The following PPP1R13B variants were observed in gnomAD, a reference collection of about 807,000 sequenced individuals.
PPP1R13B encodes apoptosis-stimulating of p53 protein 1.
PPP1R13B carries 44 observed loss-of-function variants against 119.8 expected under a neutral mutation model. The observed-to-expected ratio is 0.37, with a 90% CI of 0.29 to 0.47. The LOEUF (loss-of-function observed/expected upper bound fraction) is 0.47. Ranked by LOEUF, PPP1R13B falls within the 20% of genes least tolerant of loss-of-function variation. The pLI, the probability that PPP1R13B is intolerant of heterozygous loss-of-function variation, is 0.99. For missense variants in PPP1R13B, 1,227 were observed against 1,413.5 expected (o/e 0.87, Z 2.12); for synonymous variants, 542 against 561.5 (o/e 0.97, Z 0.49).
Position 103,847,283 on chromosome 14 carries a change from G to T in PPP1R13B, c.9+16C>A. 4.6e-6 allele frequency: 2 copies of T among 436,292 alleles called. No individual in the cohort carries two copies. The highest frequency in any genetic ancestry group is 3.6e-6 in the Non-Finnish European group (1 of 277,052). 27.0% of individuals were successfully genotyped at this position (436,292 alleles called of 1,614,324 possible). ...GCGGAGGAAGCCGCCGCCACCTCCC[G>T]CCCGCCCTCACCCACCGGCATCATC... On this transcript the variant is annotated intron_variant, in intron 1 of 16. Coordinates refer to ENST00000202556, the MANE Select transcript of PPP1R13B (RefSeq NM_015316.3).
At chr14:103,781,025 G>A (rs1296187301) in intron 3 of PPP1R13B, among the ~76,000 whole-genome samples, 1 of 151,916 alleles carries the variant, frequency 6.6e-6, no homozygotes, top group Admixed American at 6.6e-5. Flanking sequence ...TGAATGTACA[G>A]CTCCTGGGCT....
intron 3 of PPP1R13B, among the ~76,000 whole-genome samples, chr14:103,781,340 C>T (rs1373848505): frequency 3.3e-5 from 5 of 152,108 alleles, no homozygotes; most frequent in African/African-American, 4.8e-5. Context: ...CCAGAGAGGA[C>T]GGACCCTGGT....
In PPP1R13B at chr14:103,734,982, C is replaced by A; in HGVS notation, c.*172G>T. ...GTACCTCTCCCAGTTAATGGGCAAA[C>A]TGGAGAAAGGGCCTCACCTGGAAAC... On this transcript the variant is annotated 3_prime_UTR_variant, in exon 17 of 17. Coordinates refer to ENST00000202556, the MANE Select transcript of PPP1R13B (RefSeq NM_015316.3). The A allele has an allele frequency of 1.3e-6, 1 of 785,818 alleles. No individual in the cohort carries two copies. The allele number at this position is 785,818 out of a possible 1,614,324, so 48.7% of individuals were successfully genotyped here.
rs2086100774 is a variant in PPP1R13B, at chr14:103,809,696, C to A, written c.10-12178G>T. ...AATTAGCCAGGCATGGTAGTATATG[C>A]CAGTAGTCCCAGACACGTGGGGGGC... On this transcript the variant is annotated intron_variant, in intron 1 of 16. Transcript: ENST00000202556. Among the ~76,000 whole-genome samples the A allele has an allele frequency of 4.0e-5, 6 of 151,848 alleles. No homozygotes were observed. The South Asian group carries it at 1.3e-3, about 32-fold the overall frequency.
At chr14:103,815,705 A>G (rs570055329) in intron 1 of PPP1R13B, among the ~76,000 whole-genome samples, 1 of 152,086 alleles carries the variant, frequency 6.6e-6, no homozygotes, top group Non-Finnish European at 1.5e-5. Context: ...CACTGAGCCA[A>G]GATCGCACCA....
intron 11 of PPP1R13B, among the ~76,000 whole-genome samples, chr14:103,741,064 TC>T (rs1170080827): frequency 1.3e-5 from 2 of 152,026 alleles, no homozygotes; most frequent in African/African-American, 4.8e-5. Flanking sequence ...GCCAGAACCC[TC>T]CCCACAAGGG....
At chr14:103,785,013 T>C (rs774145753) in intron 2 of PPP1R13B, 99 bp from the exon 3 acceptor site, 26 of 1,066,554 alleles carry the variant, frequency 2.4e-5, no homozygotes, top group Non-Finnish European at 3.0e-5. Context: ...TATGCACACA[T>C]GTATGTCTAC....
chr14:103,746,758 C>T (rs1051422036), intron 8 of PPP1R13B: 3 of 471,560 alleles, frequency 6.4e-6, no homozygotes, highest in African/African-American at 6.0e-5. Flanking sequence ...TCCGACAACA[C>T]CCACCCATCT....
chr14:103,817,645 G>T (rs1433103105), intron 1 of PPP1R13B, among the ~76,000 whole-genome samples: 1 of 151,878 alleles, frequency 6.6e-6, no homozygotes, highest in Non-Finnish European at 1.5e-5. Context: ...CAACATTAAA[G>T]GACTTTTACC....
chr14:103,794,858 T>TG (rs1213286814), intron 2 of PPP1R13B, among the ~76,000 whole-genome samples: 1 of 152,196 alleles, frequency 6.6e-6, no homozygotes, highest in East Asian at 1.9e-4. Flanking sequence ...GGCTGGACAC[T>TG]GGGGATATAA....
Position 103,815,431 on chromosome 14 carries a change from G to C in PPP1R13B, c.10-17913C>G, listed in dbSNP as rs138071796. On this transcript the variant is annotated intron_variant, in intron 1 of 16. Coordinates refer to ENST00000202556, the MANE Select transcript of PPP1R13B (RefSeq NM_015316.3). ...TGAAAAAATGAATGTTATTGTATGT[G>C]AATTATGTACCAATAAAGCTGTTAT... Among the ~76,000 whole-genome samples the C allele has an allele frequency of 3.7e-3, 556 of 152,272 alleles. 5 individuals are homozygous for C. Among genetic ancestry groups the C allele is most frequent in the African/African-American group, 0.013 (539 of 41,556 alleles).
intron 4 of PPP1R13B, among the ~76,000 whole-genome samples, chr14:103,758,388 A>T (rs527936521): frequency 6.6e-6 from 1 of 152,224 alleles, no homozygotes; most frequent in Non-Finnish European, 1.5e-5. Context: ...CCTCAGAATG[A>T]CCAATGAGGT....
chr14:103,761,485 C>T (rs762691024), intron 4 of PPP1R13B, among the ~76,000 whole-genome samples: 4 of 151,888 alleles, frequency 2.6e-5, no homozygotes, highest in Non-Finnish European at 2.9e-5. Flanking sequence ...CTACATAGGC[C>T]GGGCGCTGTG....
intron 4 of PPP1R13B, among the ~76,000 whole-genome samples, chr14:103,762,007 G>A (rs572661063): frequency 4.7e-4 from 72 of 152,252 alleles, no homozygotes; most frequent in African/African-American, 1.6e-3. Flanking sequence ...CATCTTCGAC[G>A]CCTGTTTTGT....
At chr14:103,743,127 C>T (rs1435171391) in intron 9 of PPP1R13B, among the ~76,000 whole-genome samples, 1 of 152,226 alleles carries the variant, frequency 6.6e-6, no homozygotes, top group Admixed American at 6.5e-5. Flanking sequence ...GGGGCTGCAC[C>T]CTATTTTAAC....
chr14:103,787,551 G>T (rs2085500136), intron 2 of PPP1R13B, among the ~76,000 whole-genome samples: 1 of 150,704 alleles, frequency 6.6e-6, no homozygotes, highest in African/African-American at 2.4e-5. Context: ...GGGCGTGGTG[G>T]CTTACACCTG....
Position 103,736,189 on chromosome 14 carries a change from C to T in PPP1R13B, c.3045G>A (p.Lys1015=). ...CCACACCTTTGTTCATCACACCCAG[C>T]TTTTCCTGCACCCCTGGAGCCAGAG... The part of the protein sequence containing the change: ...CSQFLYGVQE[K]LGVMNKGVAY... Residue 1015 remains lysine, a synonymous_variant, in exon 16 of 17, where the codon AAG becomes AAA. Coordinates refer to ENST00000202556, the MANE Select transcript of PPP1R13B (RefSeq NM_015316.3). The T allele has an allele frequency of 2.5e-6, 4 of 1,613,820 alleles. No individual in the cohort carries two copies. The highest frequency in any genetic ancestry group is 3.4e-6 in the Non-Finnish European group (4 of 1,179,912).
At chr14:103,761,649 G>A (rs2151992342) in intron 4 of PPP1R13B, among the ~76,000 whole-genome samples, 1 of 151,968 alleles carries the variant, frequency 6.6e-6, no homozygotes, top group East Asian at 1.9e-4. Flanking sequence ...TGTAATCCCA[G>A]CTACTCGGGA....
intron 4 of PPP1R13B, chr14:103,764,479 C>A: frequency 2.9e-6 from 1 of 345,314 alleles, no homozygotes; most frequent in Non-Finnish European, 5.8e-6. Flanking sequence ...AGATATGAGT[C>A]CTTTATCAGA....
Sources: gnomAD v4.1 joint callset for allele counts (sites outside exome capture counted in the v4.1 genomes callset) on GRCh38, gnomAD v4.1.1 for gene constraint, MANE v1.5 for transcripts, NCBI Gene and HGNC (gene_info 2026-07-23, HGNC 2026-07-21) for gene names.